Variants in HPSE2 observed in about 807,000 individuals in gnomAD.
HPSE2 encodes the protein inactive heparanase-2.
Under a neutral mutation model 60.5 loss-of-function variants are expected in HPSE2, and 38 were observed. The observed-to-expected ratio is 0.63, with a 90% CI of 0.48 to 0.82. The LOEUF (loss-of-function observed/expected upper bound fraction) is 0.82, where lower values mean the gene tolerates loss of function less well. HPSE2 is among the 40% of genes least tolerant of loss of function. The pLI is 0.00. For synonymous variants in HPSE2, 295 were observed against 293.2 expected, an observed-to-expected ratio of 1.01 and a Z score of -0.06; for missense variants, 713 against 740.4, an observed-to-expected ratio of 0.96 and a Z score of 0.43.
chr10:98,630,785 T>G (rs936283023), intron 7 of HPSE2, among the ~76,000 whole-genome samples: 5 of 152,156 alleles, frequency 3.3e-5, no homozygotes, highest in South Asian at 2.1e-4. Flanking sequence ...ATGAGAGAGA[T>G]AATATTTTAC....
At chr10:98,941,650 C>T (rs1955006008) in intron 3 of HPSE2, among the ~76,000 whole-genome samples, 3 of 136,780 alleles carry the variant, frequency 2.2e-5, no homozygotes, top group South Asian at 2.2e-4. Context: ...AATGGCCATA[C>T]TGCCCAAGGT....
At chr10:98,509,214 T>C (rs1447140949) in intron 9 of HPSE2, among the ~76,000 whole-genome samples, 1 of 151,954 alleles carries the variant, frequency 6.6e-6, no homozygotes, top group Admixed American at 6.6e-5. Context: ...CTTGGGAGGC[T>C]GAGGCAGGAG....
intron 3 of HPSE2, among the ~76,000 whole-genome samples, chr10:98,849,203 AAAG>A (rs2134725433): frequency 6.6e-6 from 1 of 152,316 alleles, no homozygotes; most frequent in South Asian, 2.1e-4. Flanking sequence ...TAGTAACATG[AAAG>A]TTAATGATAC....
chr10:99,136,929 T>C (rs573970645), intron 3 of HPSE2, among the ~76,000 whole-genome samples: 1 of 152,306 alleles, frequency 6.6e-6, no homozygotes, highest in African/African-American at 2.4e-5. Flanking sequence ...CGTATTCAAA[T>C]AGGAAGAGAG....
At chr10:98,744,421 G>A (rs1205965999) in intron 3 of HPSE2, among the ~76,000 whole-genome samples, 2 of 152,120 alleles carry the variant, frequency 1.3e-5, no homozygotes, top group African/African-American at 4.8e-5. Context: ...CAGCTACTCA[G>A]AAGGCTGAGG....
chr10:98,722,917 C>A (rs1214721592), intron 4 of HPSE2, among the ~76,000 whole-genome samples: 1 of 152,172 alleles, frequency 6.6e-6, no homozygotes, highest in Non-Finnish European at 1.5e-5. Context: ...CAAACAGGGA[C>A]AATTTGACTT....
rs146116710 is a variant in HPSE2, at chr10:98,459,654, G to A, written c.1699C>T (p.Arg567Trp). ...GTGACTGGAGGGATGACCAATGTCC[G>A]GCCGGCCCGAAGGGGGCGGGGCTTC... The part of the protein sequence containing the change: ...ELKPRPLRAG[R>W]TLVIPPVTMG... Residue 567 changes from arginine to tryptophan, a missense_variant, in exon 12 of 12, where the codon CGG becomes TGG. By Grantham distance (101) the Arg-to-Trp change is moderately radical. Transcript: ENST00000370552. 13 of 1,614,028 alleles carry A rather than the reference G, an allele frequency of 8.1e-6. No homozygotes were observed. The African/African-American group carries it at 1.1e-4, about 13-fold the overall frequency.
Position 98,525,631 on chromosome 10 carries a change from A to C in HPSE2, c.1321-35435T>G, listed in dbSNP as rs149074900. On this transcript the variant is annotated intron_variant, in intron 9 of 11. Transcript: ENST00000370552. ...TTGAGTTTGATGGGTGAGACCCACA[A>C]ATTCTAGAGAAAGCAAAGCAGGCCT... Among the ~76,000 whole-genome samples the C allele has an allele frequency of 1.7e-3, 255 of 152,242 alleles. 1 individual carries two copies. The highest frequency in any genetic ancestry group is 5.9e-3 in the African/African-American group (247 of 41,556).
intron 3 of HPSE2, among the ~76,000 whole-genome samples, chr10:98,905,907 T>C (rs2134999062): frequency 6.6e-6 from 1 of 152,264 alleles, no homozygotes; most frequent in South Asian, 2.1e-4. Context: ...CTGTAGTGGA[T>C]GTATGTTGCA....
intron 3 of HPSE2, among the ~76,000 whole-genome samples, chr10:98,796,452 AGAG>A (rs1371860537): frequency 1.3e-5 from 2 of 152,182 alleles, no homozygotes; most frequent in Non-Finnish European, 2.9e-5. Flanking sequence ...TGAAAAGCGG[AGAG>A]AAGAGTGGGA....
intron 3 of HPSE2, among the ~76,000 whole-genome samples, chr10:98,895,156 TA>T (rs1242756096): frequency 6.6e-6 from 1 of 151,818 alleles, no homozygotes; most frequent in African/African-American, 2.4e-5. Flanking sequence ...AAATTAGGAT[TA>T]CAAAAAAAAT....
chr10:98,587,916 A>G (rs1480241571), intron 9 of HPSE2, among the ~76,000 whole-genome samples: 1 of 152,240 alleles, frequency 6.6e-6, no homozygotes, highest in African/African-American at 2.4e-5. Flanking sequence ...AAACAAAAGA[A>G]TACATGAAAT....
chr10:99,082,916 G>A (rs1046631970), intron 3 of HPSE2, among the ~76,000 whole-genome samples: 4 of 152,240 alleles, frequency 2.6e-5, no homozygotes, highest in Non-Finnish European at 5.9e-5. Flanking sequence ...AAATAAAGAT[G>A]ATTTTTATAT....
chr10:99,016,780 G>T (rs1447107437), intron 3 of HPSE2, among the ~76,000 whole-genome samples: 1 of 151,946 alleles, frequency 6.6e-6, no homozygotes, highest in Admixed American at 6.6e-5. Context: ...TATTTTGTGT[G>T]TGTGTGTGTG....
intron 2 of HPSE2, among the ~76,000 whole-genome samples, chr10:99,229,308 T>C (rs1447429999): frequency 6.6e-6 from 1 of 152,214 alleles, no homozygotes; most frequent in Non-Finnish European, 1.5e-5. Flanking sequence ...GGTTCTCAAC[T>C]CTGTTCCTTA....
At chr10:99,135,005 TAA>T (rs1211042450) in intron 3 of HPSE2, among the ~76,000 whole-genome samples, 1 of 151,630 alleles carries the variant, frequency 6.6e-6, no homozygotes, top group Admixed American at 6.6e-5. Context: ...AGTCTCAAAA[TAA>T]ACGGATGGAG....
chr10:98,467,232 C>T (rs1034282728), intron 11 of HPSE2, among the ~76,000 whole-genome samples: 1 of 152,144 alleles, frequency 6.6e-6, no homozygotes, highest in African/African-American at 2.4e-5. Flanking sequence ...GCTTGTCAGT[C>T]TCTCCACTAG....
chr10:98,466,328 T>C (rs1348251407), intron 11 of HPSE2, among the ~76,000 whole-genome samples: 1 of 152,008 alleles, frequency 6.6e-6, no homozygotes, highest in Non-Finnish European at 1.5e-5. Context: ...AGAAAATTGG[T>C]TCTGGCCAGG....
chr10:98,853,094 A>G (rs1332740652), intron 3 of HPSE2, among the ~76,000 whole-genome samples: 1 of 152,242 alleles, frequency 6.6e-6, no homozygotes, highest in African/African-American at 2.4e-5. Flanking sequence ...CAAATGTCAC[A>G]GAGACATTTT....
Sources: gnomAD v4.1 joint callset for allele counts (sites outside exome capture counted in the v4.1 genomes callset) on GRCh38, gnomAD v4.1.1 for gene constraint, MANE v1.5 for transcripts, NCBI Gene and HGNC (gene_info 2026-07-23, HGNC 2026-07-21) for gene names.